The following AK3 variants were observed in gnomAD, a reference collection of about 807,000 sequenced individuals.
The protein encoded by AK3 is adenylate kinase 3, also known as GTP:AMP phosphotransferase AK3, mitochondrial.
A neutral mutation model predicts 23.7 loss-of-function variants in AK3; 27 were observed. That is an observed-to-expected ratio of 1.14 (90% CI 0.84 to 1.57). AK3 has a LOEUF of 1.57. AK3 is among the 40% of genes most tolerant of loss of function. The pLI is 0.00. For synonymous variants in AK3, 159 were observed against 116.0 expected (o/e 1.37, Z -2.38); for missense variants, 406 against 285.6 (o/e 1.42, Z -3.04).
Position 4,741,113 on chromosome 9 carries a change from G to A in AK3, c.-26C>T. ...GGCCGCAGACTGAGGCCCGCACCGC[G>A]CGGGTACCAGGGCTTTGGCCTGGCC... On this transcript the variant is annotated 5_prime_UTR_variant, in exon 1 of 5. Transcript: ENST00000381809. The A allele has an allele frequency of 6.7e-7, 1 of 1,490,426 alleles. No homozygotes were observed. Among genetic ancestry groups the A allele is most frequent in the Non-Finnish European group, 8.9e-7 (1 of 1,119,454 alleles). The allele number at this position is 1,490,426 out of a possible 1,614,324, so 92.3% of individuals were successfully genotyped here.
chr9:4,724,125 A>C (rs1265107649), intron 1 of AK3, among the ~76,000 whole-genome samples: 2 of 152,196 alleles, frequency 1.3e-5, no homozygotes, highest in African/African-American at 4.8e-5. Flanking sequence ...GACTGCACTT[A>C]GAAGAGGGCT....
chr9:4,728,407 C>T (rs1016712723), intron 1 of AK3, among the ~76,000 whole-genome samples: 2 of 152,112 alleles, frequency 1.3e-5, no homozygotes, highest in East Asian at 3.9e-4. Context: ...CCTGTCTCTA[C>T]TAGTAATACA....
chr9:4,713,199 T>C (rs1841610515), intron 4 of AK3, 103 bp from the exon 5 acceptor site: 2 of 1,425,700 alleles, frequency 1.4e-6, no homozygotes, highest in Non-Finnish European at 1.9e-6. Context: ...GATATAGGAG[T>C]CTTGGTAAGT....
chr9:4,726,059 T>A (rs921910563), intron 1 of AK3, among the ~76,000 whole-genome samples: 1 of 152,222 alleles, frequency 6.6e-6, no homozygotes, highest in African/African-American at 2.4e-5. Flanking sequence ...AATAGCATTA[T>A]GTCTAAAATA....
intron 1 of AK3, 34 bp downstream of exon 1, chr9:4,740,903 A>G (rs1283994296): frequency 1.5e-5 from 22 of 1,477,218 alleles, no homozygotes; most frequent in Non-Finnish European, 1.7e-5. Context: ...CCCGGGTGAC[A>G]GCGCACGGCC....
rs560732652 is a variant in AK3 at position 4,711,878 on chromosome 9, C to G, written c.*1098G>C. On this transcript the variant is annotated 3_prime_UTR_variant, in exon 5 of 5. Transcript: ENST00000381809. ...AGGAACAAAGAACTCCTTCAGGAAACTCACTTTCCTGGTCCTTGTTAACCT... is the reference window on the plus strand; with the variant it reads ...AGGAACAAAGAACTCCTTCAGGAAAGTCACTTTCCTGGTCCTTGTTAACCT... The G allele has an allele frequency of 5.0e-4, 76 of 152,312 alleles. No individual in the cohort carries two copies. Among genetic ancestry groups the G allele is most frequent in the Non-Finnish European group, 8.4e-4 (57 of 67,996 alleles). 9.4% of individuals were successfully genotyped at this position (152,312 alleles called of 1,614,324 possible). A position where few individuals can be genotyped will look rare whatever the true frequency, so the allele number is the denominator to read the frequency against.
At chr9:4,721,841 A>C (rs1841905565) in intron 2 of AK3, among the ~76,000 whole-genome samples, 1 of 152,228 alleles carries the variant, frequency 6.6e-6, no homozygotes, top group African/African-American at 2.4e-5. Flanking sequence ...CTTGTCTTCT[A>C]CTAGAATGTA....
Position 4,741,007 on chromosome 9 carries a change from G to A in AK3, c.81C>T (p.Ile27=), listed in dbSNP as rs751069757. 4.4e-6 allele frequency: 7 copies of A among 1,594,642 alleles called. No homozygotes were observed. Among genetic ancestry groups the A allele is most frequent in the African/African-American group, 4.1e-5 (3 of 72,658 alleles). Reference sequence around the variant, plus strand: ...GGTGCTTCAGCTCGAAGTGTGTAGTGATGCGCGACGACACGGTGCCCTTGC... The same window carrying A: ...GGTGCTTCAGCTCGAAGTGTGTAGTAATGCGCGACGACACGGTGCCCTTGC... ...GSGKGTVSSR[I]TTHFELKHLS... Residue 27 remains isoleucine (I), a synonymous_variant, in exon 1 of 5, where the codon ATC becomes ATT. Transcript: ENST00000381809.
At position 4,740,925 on chromosome 9, in the gene AK3, C is replaced by T; in HGVS notation, c.151+12G>A. On this transcript the variant is annotated intron_variant, in intron 1 of 4. Coordinates refer to ENST00000381809, the MANE Select transcript of AK3 (RefSeq NM_016282.4). ...GACAGCGCACGGCCGGCCCTGGGCC[C>T]AGAGCTCCCACCTGTGCCCCGCAGC... 6.5e-7 allele frequency: 1 copy of T among 1,547,364 alleles called. No homozygotes were observed. The highest frequency in any genetic ancestry group is 1.2e-5 in the South Asian group (1 of 84,282).
chr9:4,719,160 A>G lies in AK3; in HGVS notation c.419T>C (p.Ile140Thr), dbSNP rs778755635. 8 of 1,611,724 alleles carry G rather than the reference A, an allele frequency of 5.0e-6. No homozygotes were observed. Among genetic ancestry groups the G allele is most frequent in the African/African-American group, 2.7e-5 (2 of 74,778 alleles). ...IHPASGRVYN[I>T]EFNPPKTVGI... ...CACAGTTTTGGGAGGGTTGAATTCA[A>G]TGTTATAGACTCGGCCACTGGCGGG... Residue 140 changes from isoleucine to threonine, a missense_variant, in exon 3 of 5, where the codon ATT (isoleucine) becomes ACT (threonine). Coordinates refer to ENST00000381809, the MANE Select transcript of AK3 (RefSeq NM_016282.4).
At chr9:4,735,303 A>G (rs1842249139) in intron 1 of AK3, among the ~76,000 whole-genome samples, 1 of 76,094 alleles carries the variant, frequency 1.3e-5, no homozygotes, top group African/African-American at 4.9e-5. Flanking sequence ...ATATATATAT[A>G]CATATATAAA....
At chr9:4,728,832 C>CAA (rs1842076588) in intron 1 of AK3, among the ~76,000 whole-genome samples, 5 of 86,858 alleles carry the variant, frequency 5.8e-5, no homozygotes, top group African/African-American at 1.1e-4. Flanking sequence ...CATGTCTCTA[C>CAA]ATATATATAT....
intron 2 of AK3, 119 bp downstream of exon 2, chr9:4,722,387 C>T: frequency 2.8e-6 from 4 of 1,433,920 alleles, no homozygotes; most frequent in African/African-American, 1.4e-5. Context: ...AGGATAGTCC[C>T]AAGCACCCCT....
intron 2 of AK3, 68 bp downstream of exon 2, chr9:4,722,438 G>T (rs1841922662): frequency 1.2e-6 from 2 of 1,607,860 alleles, no homozygotes; most frequent in African/African-American, 1.3e-5. Context: ...TGAAGCCCAT[G>T]AAATGCTCAT....
At chr9:4,737,439 G>A (rs1842322825) in intron 1 of AK3, among the ~76,000 whole-genome samples, 1 of 152,112 alleles carries the variant, frequency 6.6e-6, no homozygotes, top group East Asian at 1.9e-4. Flanking sequence ...AAGTTCTCCT[G>A]AACTCAGTCT....
chr9:4,714,737 G>A (rs1228879743), intron 4 of AK3, among the ~76,000 whole-genome samples: 9 of 152,174 alleles, frequency 5.9e-5, no homozygotes, highest in Non-Finnish European at 1.3e-4. Context: ...AGGGCATCAT[G>A]TTGTTTGTAA....
At chr9:4,732,018 T>C (rs909959253) in intron 1 of AK3, among the ~76,000 whole-genome samples, 1 of 152,306 alleles carries the variant, frequency 6.6e-6, no homozygotes, top group African/African-American at 2.4e-5. Flanking sequence ...GGTATGATCA[T>C]AGCTCACTGC....
In AK3 at chr9:4,709,875, A is replaced by G. The variant is rs1041800265; in HGVS notation, c.*3101T>C. The G allele has an allele frequency of 1.3e-5, 2 of 152,116 alleles. No individual in the cohort carries two copies. Among genetic ancestry groups the G allele is most frequent in the Admixed American group, 6.5e-5 (1 of 15,268 alleles). The allele number at this position is 152,116 out of a possible 1,614,324, so 9.4% of individuals were successfully genotyped here. On this transcript the variant is annotated 3_prime_UTR_variant, in exon 5 of 5. Transcript: ENST00000381809. The stretch of plus-strand genomic sequence containing the variant: ...AAGACACAACATATTCTAAAATACA[A>G]ATTCTTGCTGTTGGTTGCAACTATA...
At chr9:4,740,898 G>T in intron 1 of AK3, 39 bp downstream of exon 1, 1 of 1,472,416 alleles carries the variant, frequency 6.8e-7, no homozygotes, top group Non-Finnish European at 9.0e-7. Context: ...TCCGACCCGG[G>T]TGACAGCGCA....
Sources: gnomAD v4.1 joint callset for allele counts (sites outside exome capture counted in the v4.1 genomes callset) on GRCh38, gnomAD v4.1.1 for gene constraint, MANE v1.5 for transcripts, NCBI Gene and HGNC (gene_info 2026-07-23, HGNC 2026-07-21) for gene names.